The following TMEM59 variants were observed in gnomAD, a reference collection of about 807,000 sequenced individuals.
TMEM59 encodes the protein dendritic cell factor 1.
Under a neutral mutation model 42.2 loss-of-function variants are expected in TMEM59, and 44 were observed. That is an observed-to-expected ratio of 1.04 (90% CI 0.82 to 1.34). TMEM59 has a LOEUF of 1.34. Ranked by LOEUF, TMEM59 falls within the 40% of genes most tolerant of loss-of-function variation. The probability of loss-of-function intolerance (pLI) is 0.00; values close to 1 mark genes in which losing one functional copy is unlikely to be tolerated. For synonymous variants in TMEM59, 148 were observed against 145.8 expected (o/e 1.02, Z -0.11); for missense variants, 359 against 382.8 (o/e 0.94, Z 0.52).
At position 54,047,694 on chromosome 1, in the gene TMEM59, C is replaced by T. The variant is rs142010459; in HGVS notation, c.190-322G>A. The T allele has an allele frequency of 3.8e-3, 1,087 of 285,452 alleles. 10 individuals carry two copies. Among genetic ancestry groups the T allele is most frequent in the Middle Eastern group, 5.8e-3 (5 of 862 alleles). 17.7% of individuals were successfully genotyped at this position (285,452 alleles called of 1,614,324 possible). The stretch of plus-strand genomic sequence containing the variant: ...AATAGTGACAGGCCAGGTGCAGTGG[C>T]TCACACCTGTAATCCCAGGGCTTTG... On this transcript the variant is annotated intron_variant, in intron 1 of 7. Coordinates refer to ENST00000234831, the MANE Select transcript of TMEM59 (RefSeq NM_004872.5).
At chr1:54,052,979 C>T in intron 1 of TMEM59, 21 bp downstream of exon 1, 2 of 1,596,956 alleles carry the variant, frequency 1.3e-6, no homozygotes, top group African/African-American at 1.3e-5. Context: ...AGGGTCGCAG[C>T]CCGCTCCGGA....
At chr1:54,052,566 GC>G (rs1386026424) in intron 1 of TMEM59, among the ~76,000 whole-genome samples, 2 of 152,136 alleles carry the variant, frequency 1.3e-5, no homozygotes, top group Non-Finnish European at 2.9e-5. Context: ...TGCGCTCCTG[GC>G]CCCGAGAGGC....
At chr1:54,036,429 A>C (rs1656952575) in intron 7 of TMEM59, among the ~76,000 whole-genome samples, 181 bp downstream of exon 7, 1 of 152,212 alleles carries the variant, frequency 6.6e-6, no homozygotes, top group African/African-American at 2.4e-5. Flanking sequence ...AAAGCTGAGA[A>C]CAACAATTCT....
At chr1:54,046,181 T>C (rs577802659) in intron 2 of TMEM59, among the ~76,000 whole-genome samples, 1 of 152,290 alleles carries the variant, frequency 6.6e-6, no homozygotes, top group South Asian at 2.1e-4. Context: ...TTTCTATATG[T>C]GTAAAATAGA....
intron 7 of TMEM59, chr1:54,034,955 C>T (rs1656897437): frequency 6.6e-6 from 1 of 152,076 alleles, no homozygotes; most frequent in Non-Finnish European, 1.5e-5. Context: ...CAACCAGGAA[C>T]TGTTTGATTT....
chr1:54,040,361 C>T (rs886243426), intron 6 of TMEM59, among the ~76,000 whole-genome samples: 4 of 152,120 alleles, frequency 2.6e-5, no homozygotes, highest in African/African-American at 9.7e-5. Flanking sequence ...CCATGTTGGC[C>T]AGGCTGGTCT....
intron 3 of TMEM59, chr1:54,045,375 T>G: frequency 3.5e-6 from 1 of 284,088 alleles, no homozygotes; most frequent in South Asian, 8.6e-5. Flanking sequence ...CCAATGGGAG[T>G]TGGGATGGAG....
chr1:54,036,772 A>C lies in TMEM59; in HGVS notation c.708-54T>G. ...TATTAAAATTTTATAAGAAACAGGAAATTCTTAATTAGTCAACCTTATGTA... is the reference window on the plus strand; with the variant it reads ...TATTAAAATTTTATAAGAAACAGGACATTCTTAATTAGTCAACCTTATGTA... On this transcript the variant is annotated intron_variant, in intron 6 of 7. Coordinates refer to ENST00000234831, the MANE Select transcript of TMEM59 (RefSeq NM_004872.5). The C allele has an allele frequency of 2.4e-6, 3 of 1,264,290 alleles. No homozygotes were observed. The East Asian group carries it at 7.8e-5, about 33-fold the overall frequency. 78.3% of individuals were successfully genotyped at this position (1,264,290 alleles called of 1,614,324 possible). A position where few individuals can be genotyped will look rare whatever the true frequency, so the allele number is the denominator to read the frequency against.
rs1656631282 is a variant in TMEM59 at position 54,027,358 on chromosome 1, C to G, written c.*4792G>C. On this transcript the variant is annotated 3_prime_UTR_variant, in exon 8 of 8. Transcript: ENST00000234831. Reference sequence around the variant, plus strand: ...GCGATCCTTTATATTTAGTTTTATGCTTTGAAAACATTACTATGAGAGGGG... The same window carrying G: ...GCGATCCTTTATATTTAGTTTTATGGTTTGAAAACATTACTATGAGAGGGG... 1 of 152,104 alleles carries G rather than the reference C, an allele frequency of 6.6e-6. No individual in the cohort carries two copies. Among genetic ancestry groups the G allele is most frequent in the Non-Finnish European group, 1.5e-5 (1 of 68,032 alleles). 9.4% of individuals were successfully genotyped at this position (152,104 alleles called of 1,614,324 possible). A position where few individuals can be genotyped will look rare whatever the true frequency, so the allele number is the denominator to read the frequency against.
chr1:54,048,473 A>G (rs1453499339), intron 1 of TMEM59, among the ~76,000 whole-genome samples: 2 of 152,194 alleles, frequency 1.3e-5, no homozygotes, highest in Non-Finnish European at 2.9e-5. Flanking sequence ...TAAAATAGAA[A>G]ACAATTACAG....
intron 3 of TMEM59, 36 bp downstream of exon 3, chr1:54,045,656 A>G (rs1251645923): frequency 6.3e-7 from 1 of 1,593,430 alleles, no homozygotes; most frequent in East Asian, 2.2e-5. Context: ...AGTGCCATCT[A>G]AGCAGGCTAG....
rs139776640 is a variant in TMEM59, at chr1:54,047,611, C to T, written c.190-239G>A. ...AAAAGCCTAGTAGGTAAAACCACCA[C>T]CCTTTTTCCATTTTCTTTGGTTACA... On this transcript the variant is annotated intron_variant, in intron 1 of 7. Transcript: ENST00000234831. 9.8e-4 allele frequency: 406 copies of T among 414,694 alleles called. 2 individuals carry two copies. The highest frequency in any genetic ancestry group is 8.0e-3 in the African/African-American group (376 of 47,206). 25.7% of individuals were successfully genotyped at this position (414,694 alleles called of 1,614,324 possible). A position where few individuals can be genotyped will look rare whatever the true frequency, so the allele number is the denominator to read the frequency against.
At position 54,052,563 on chromosome 1, in the gene TMEM59, C is replaced by T. The variant is rs964046478; in HGVS notation, c.189+437G>A. ...GTCTGACTCCCCGAAGACTGCGCTC[C>T]TGGCCCCGAGAGGCGCTTAGTAAAC... On this transcript the variant is annotated intron_variant, in intron 1 of 7. Transcript: ENST00000234831. 8.5e-5 allele frequency among the ~76,000 whole-genome samples: 13 copies of T among 152,322 alleles called. No individual in the cohort carries two copies. In the East Asian group the frequency reaches 2.5e-3, roughly 29 times the overall value.
intron 1 of TMEM59, 138 bp from the exon 2 acceptor site, chr1:54,047,510 G>A (rs1004562820): frequency 1.5e-6 from 1 of 675,258 alleles, no homozygotes; most frequent in African/African-American, 1.9e-5. Flanking sequence ...AGAAAAAAAT[G>A]ATAGGAGCCA....
intron 5 of TMEM59, among the ~76,000 whole-genome samples, chr1:54,041,395 T>C (rs1207677417): frequency 2.0e-5 from 3 of 152,262 alleles, no homozygotes; most frequent in African/African-American, 7.2e-5. Flanking sequence ...GCTCAAAACA[T>C]CCTTTGAAGC....
At chr1:54,049,846 G>A (rs1424785557) in intron 1 of TMEM59, among the ~76,000 whole-genome samples, 2 of 152,118 alleles carry the variant, frequency 1.3e-5, no homozygotes, top group Non-Finnish European at 2.9e-5. Context: ...ATAAATAGAA[G>A]TTAAGTGATC....
intron 1 of TMEM59, among the ~76,000 whole-genome samples, chr1:54,049,043 A>G (rs370698271): frequency 2.2e-4 from 33 of 152,336 alleles, no homozygotes; most frequent in African/African-American, 7.5e-4. Context: ...GCTCATTAGT[A>G]TGAGCTATAC....
Position 54,029,695 on chromosome 1 carries a change from T to C in TMEM59, c.*2455A>G, listed in dbSNP as rs1393768438. Reference sequence around the variant, plus strand: ...AAAGTAAAATATTTCTTCTCAAAAGTAGATTCTGTGCTTCAGAATTTAATT... The same window carrying C: ...AAAGTAAAATATTTCTTCTCAAAAGCAGATTCTGTGCTTCAGAATTTAATT... On this transcript the variant is annotated 3_prime_UTR_variant, in exon 8 of 8. Transcript: ENST00000234831. 6.6e-6 allele frequency: 1 copy of C among 152,200 alleles called. No homozygotes were observed. The highest frequency in any genetic ancestry group is 6.5e-5 in the Admixed American group (1 of 15,274). 9.4% of individuals were successfully genotyped at this position (152,200 alleles called of 1,614,324 possible). A position where few individuals can be genotyped will look rare whatever the true frequency, so the allele number is the denominator to read the frequency against.
Position 54,028,009 on chromosome 1 carries a change from A to G in TMEM59, c.*4141T>C, listed in dbSNP as rs1656654341. 6.6e-6 allele frequency: 1 copy of G among 152,234 alleles called. No individual in the cohort carries two copies. Among genetic ancestry groups the G allele is most frequent in the African/African-American group, 2.4e-5 (1 of 41,440 alleles). 9.4% of individuals were successfully genotyped at this position (152,234 alleles called of 1,614,324 possible). On this transcript the variant is annotated 3_prime_UTR_variant, in exon 8 of 8. Transcript: ENST00000234831. ...CAAGGAAAGAGAGATTAAAATGGTC[A>G]CTCATGCAGATGATACCCAAATGCA...
Sources: allele counts gnomAD v4.1 joint callset (sites outside exome capture counted in the v4.1 genomes callset), GRCh38; gene constraint gnomAD v4.1.1; transcripts MANE v1.5; gene names NCBI Gene and HGNC (gene_info 2026-07-23, HGNC 2026-07-21).